ZNF718: variants seen among roughly 807,000 people sequenced by gnomAD.
ZNF718 encodes zinc finger protein 718.
ZNF718 carries 3 observed loss-of-function variants against 2.6 expected under a neutral mutation model. The ratio of observed to expected loss-of-function variants is 1.16; its 90% CI spans 0.53 to 3.01. The LOEUF (loss-of-function observed/expected upper bound fraction) is 3.01. ZNF718 is among the 30% of genes most tolerant of loss of function. The probability of loss-of-function intolerance (pLI) is 0.03; values close to 1 mark genes in which losing one functional copy is unlikely to be tolerated. For missense variants in ZNF718, 468 were observed against 230.0 expected (o/e 2.03, Z -6.69); for synonymous variants, 135 against 77.9 (o/e 1.73, Z -3.86).
In ZNF718 at chr4:128,193, G is replaced by T. The variant is rs1343813032; in HGVS notation, c.4-2595G>T. On this transcript the variant is annotated intron_variant, in intron 1 of 3. Coordinates refer to ENST00000510175, the MANE Select transcript of ZNF718 (RefSeq NM_001039127.6). ...ATTCCCAACACTGGACCAGACTTTGGGTTGAAGACATACGAAAAACTCACA... is the reference window on the plus strand; with the variant it reads ...ATTCCCAACACTGGACCAGACTTTGTGTTGAAGACATACGAAAAACTCACA... 3.9e-5 allele frequency among the ~76,000 whole-genome samples: 4 copies of T among 103,496 alleles called. 1 individual carries two copies. Among genetic ancestry groups the T allele is most frequent in the African/African-American group, 6.7e-5 (2 of 29,786 alleles). 67.9% of individuals were successfully genotyped at this position (103,496 alleles called of 152,430 possible). A position where few individuals can be genotyped will look rare whatever the true frequency, so the allele number is the denominator to read the frequency against.
chr4:150,778 T>C (rs1452693955), intron 3 of ZNF718, among the ~76,000 whole-genome samples: 2 of 152,180 alleles, frequency 1.3e-5, no homozygotes, highest in Non-Finnish European at 2.9e-5. Flanking sequence ...AGAACTTTTA[T>C]ATGCTCCAGC....
At chr4:185,796 A>G (rs1423839510) in intron 3 of ZNF718, among the ~76,000 whole-genome samples, 5 of 152,138 alleles carry the variant, frequency 3.3e-5, no homozygotes, top group East Asian at 1.9e-4. Context: ...AGTCTGTTTT[A>G]TCAGAAACTA....
chr4:131,853 A>G lies in ZNF718; in HGVS notation c.226+348A>G, dbSNP rs1581421340. On this transcript the variant is annotated intron_variant, in intron 3 of 3. Transcript: ENST00000510175. ...GAGGTCAGGAGATCGAGACCATCCTATCTAACATGGTGAAACTCCATCTCT... is the reference window on the plus strand; with the variant it reads ...GAGGTCAGGAGATCGAGACCATCCTGTCTAACATGGTGAAACTCCATCTCT... Among the ~76,000 whole-genome samples, 3 of 96,170 alleles carry G rather than the reference A, an allele frequency of 3.1e-5. 1 individual carries two copies. The highest frequency in any genetic ancestry group is 1.2e-3 in the East Asian group (2 of 1,728). 63.1% of individuals were successfully genotyped at this position (96,170 alleles called of 152,430 possible). A position where few individuals can be genotyped will look rare whatever the true frequency, so the allele number is the denominator to read the frequency against.
chr4:133,177 TAAAAAAAA>T (rs1189716766), intron 3 of ZNF718, among the ~76,000 whole-genome samples: 17 of 12,526 alleles, frequency 1.4e-3, no homozygotes, highest in African/African-American at 4.5e-3. Flanking sequence ...GACTCCATCT[TAAAAAAAA>T]AAAAAAAAAA....
rs782753338 is a variant in ZNF718, at chr4:161,117, A to G, written c.432A>G (p.Gln144=). ...TAACTACCCAGAAAAAAACAATTCA[A>G]TCTAATATATGTGTCAAAGTTTTTC... is the stretch of plus-strand genomic sequence containing the variant. ...CLLTTQKKTI[Q]SNICVKVFHK... Residue 144 remains glutamine (Q), a synonymous_variant, in exon 4 of 4, where the codon CAA becomes CAG. Transcript: ENST00000510175. 47 of 762,086 alleles carry G rather than the reference A, an allele frequency of 6.2e-5. No individual in the cohort carries two copies. Among genetic ancestry groups the G allele is most frequent in the Non-Finnish European group, 7.4e-6 (3 of 407,938 alleles). 47.2% of individuals were successfully genotyped at this position (762,086 alleles called of 1,614,324 possible). A position where few individuals can be genotyped will look rare whatever the true frequency, so the allele number is the denominator to read the frequency against.
intron 3 of ZNF718, among the ~76,000 whole-genome samples, chr4:152,574 T>TG (rs1560117702): frequency 1.3e-5 from 2 of 151,358 alleles, no homozygotes. Flanking sequence ...AGCACGGGGT[T>TG]GGGGGTAAGG....
At chr4:134,844 C>CA (rs1156248954) in intron 3 of ZNF718, among the ~76,000 whole-genome samples, 1 of 152,034 alleles carries the variant, frequency 6.6e-6, no homozygotes, top group African/African-American at 2.4e-5. Flanking sequence ...CCAGCACTTT[C>CA]AGAGGCCAAG....
chr4:196,381 C>T (rs2108818245), intron 3 of ZNF718, among the ~76,000 whole-genome samples: 1 of 152,246 alleles, frequency 6.6e-6, no homozygotes, highest in East Asian at 1.9e-4. Context: ...GGGTTCATAG[C>T]CTAGGGGCAT....
At position 162,673 on chromosome 4, in the gene ZNF718, A is replaced by G. The variant is rs1553815861; in HGVS notation, c.*551A>G. The G allele has an allele frequency of 6.6e-6, 1 of 152,204 alleles. No homozygotes were observed. Among genetic ancestry groups the G allele is most frequent in the East Asian group, 1.9e-4 (1 of 5,198 alleles). The allele number at this position is 152,204 out of a possible 1,614,324, so 9.4% of individuals were successfully genotyped here. On this transcript the variant is annotated 3_prime_UTR_variant, in exon 4 of 4. Coordinates refer to ENST00000510175, the MANE Select transcript of ZNF718 (RefSeq NM_001039127.6). ...GGTCTTATTGTGCATATTTCATACT[A>G]GAAGAAAACCCTGAAGCAGTTGCCC... is the stretch of plus-strand genomic sequence containing the variant.
At chr4:146,801 G>T in intron 3 of ZNF718, among the ~76,000 whole-genome samples, 1 of 150,522 alleles carries the variant, frequency 6.6e-6, no homozygotes, top group African/African-American at 2.4e-5. Context: ...TGAGTCTCCT[G>T]TTAAAGCTTT....
downstream of ZNF718, among the ~76,000 whole-genome samples, chr4:166,120 A>G (rs564711296): frequency 7.1e-4 from 108 of 152,164 alleles, 1 homozygote; most frequent in East Asian, 0.01. Context: ...TTGTCCTTGC[A>G]ATAGTTTGCT....
chr4:127,318 C>T (rs1715263894), intron 1 of ZNF718, among the ~76,000 whole-genome samples: 1 of 104,470 alleles, frequency 9.6e-6, no homozygotes, highest in African/African-American at 3.3e-5. Context: ...TATTTGGGAT[C>T]TACAGTCCCT....
chr4:201,305 C>G (rs1480278506), intron 4 of ZNF718: 1 of 152,422 alleles, frequency 6.6e-6, no homozygotes. Flanking sequence ...ACTACTGACA[C>G]CAATAGAGAG....
intron 3 of ZNF718, among the ~76,000 whole-genome samples, chr4:134,967 G>A (rs1715493451): frequency 1.3e-5 from 2 of 152,100 alleles, no homozygotes; most frequent in South Asian, 4.1e-4. Context: ...TTGCTGGCCA[G>A]GCACAGTGGC....
intron 3 of ZNF718, among the ~76,000 whole-genome samples, chr4:140,134 C>T (rs1046568114): frequency 6.6e-6 from 1 of 152,050 alleles, no homozygotes; most frequent in Admixed American, 6.6e-5. Context: ...CTTCCCTTAC[C>T]GTACTCAACT....
chr4:142,830 C>CT (rs1175009701), intron 3 of ZNF718, among the ~76,000 whole-genome samples: 3 of 152,152 alleles, frequency 2.0e-5, no homozygotes, highest in African/African-American at 7.2e-5. Context: ...TAAGTAAACT[C>CT]TTTATCTGGC....
At chr4:125,798 C>G (rs1374830064) in intron 1 of ZNF718, among the ~76,000 whole-genome samples, 1 of 152,246 alleles carries the variant, frequency 6.6e-6, no homozygotes, top group African/African-American at 2.4e-5. Context: ...CACGGCCACA[C>G]CTGGCCTAAG....
At position 161,729 on chromosome 4, in the gene ZNF718, T is replaced by C. The variant is rs781937956; in HGVS notation, c.1044T>C (p.Phe348=). Residue 348 remains phenylalanine, a synonymous_variant, in exon 4 of 4, where the codon TTT becomes TTC. Coordinates refer to ENST00000510175, the MANE Select transcript of ZNF718 (RefSeq NM_001039127.6). ...AATGTGAAGAATGTGGAAAATCCTTTAATAGGTCCACAACTCTTACGACAC... is the reference window on the plus strand; with the variant it reads ...AATGTGAAGAATGTGGAAAATCCTTCAATAGGTCCACAACTCTTACGACAC... ...PYKCEECGKS[F]NRSTTLTTHK... is the part of the protein sequence containing the mutation. 1.2e-5 allele frequency: 9 copies of C among 779,394 alleles called. No homozygotes were observed. The highest frequency in any genetic ancestry group is 1.7e-5 in the African/African-American group (1 of 59,070). The allele number at this position is 779,394 out of a possible 1,614,324, so 48.3% of individuals were successfully genotyped here. A position where few individuals can be genotyped will look rare whatever the true frequency, so the allele number is the denominator to read the frequency against.
At chr4:179,358 C>T (rs1717411254) in intron 3 of ZNF718, among the ~76,000 whole-genome samples, 1 of 152,094 alleles carries the variant, frequency 6.6e-6, no homozygotes, top group Non-Finnish European at 1.5e-5. Flanking sequence ...GCTGTGTTGG[C>T]TATTCATGGT....
Sources: allele counts gnomAD v4.1 joint callset (sites outside exome capture counted in the v4.1 genomes callset), GRCh38; gene constraint gnomAD v4.1.1; transcripts MANE v1.5; gene names NCBI Gene and HGNC (gene_info 2026-07-23, HGNC 2026-07-21).